The following DLGAP2 variants were observed in gnomAD, a reference collection of about 807,000 sequenced individuals.
DLGAP2 encodes the protein DLG associated protein 2.
Under a neutral mutation model 100.3 loss-of-function variants are expected in DLGAP2, and 26 were observed. That is an observed-to-expected ratio of 0.26 (90% confidence interval 0.19 to 0.36). The LOEUF (loss-of-function observed/expected upper bound fraction) is 0.36. DLGAP2 is among the 10% of genes least tolerant of loss of function. DLGAP2 has a pLI of 1.00. For synonymous variants in DLGAP2, 886 were observed against 630.1 expected (o/e 1.41, Z -6.08); for missense variants, 1,858 against 1,453.2 (o/e 1.28, Z -4.53).
intron 2 of DLGAP2, among the ~76,000 whole-genome samples, chr8:1,010,406 A>G (rs1801245824): frequency 6.6e-6 from 1 of 152,200 alleles, no homozygotes; most frequent in African/African-American, 2.4e-5. Context: ...AGTTTTATAC[A>G]CACATACACA....
chr8:1,117,702 G>C (rs1029836030), intron 2 of DLGAP2, among the ~76,000 whole-genome samples: 1 of 152,288 alleles, frequency 6.6e-6, no homozygotes, highest in Middle Eastern at 3.4e-3. Flanking sequence ...GTAGAGAGGA[G>C]GGGGAGGCGG....
At chr8:944,240 A>AGTG (rs1799262171) in intron 2 of DLGAP2, among the ~76,000 whole-genome samples, 1 of 152,090 alleles carries the variant, frequency 6.6e-6, no homozygotes, top group Non-Finnish European at 1.5e-5. Context: ...TGGGTGATCC[A>AGTG]GTGGGTGGTA....
chr8:802,554 A>C (rs1477557100), intron 1 of DLGAP2, among the ~76,000 whole-genome samples: 1 of 152,116 alleles, frequency 6.6e-6, no homozygotes, highest in Non-Finnish European at 1.5e-5. Flanking sequence ...CGGCACATCC[A>C]GCTCTGTGCC....
At chr8:779,322 C>G (rs981809552) in intron 1 of DLGAP2, among the ~76,000 whole-genome samples, 3 of 151,746 alleles carry the variant, frequency 2.0e-5, no homozygotes, top group Non-Finnish European at 4.4e-5. Context: ...ATGCTGGGAG[C>G]TGTAGACTGG....
chr8:993,629 C>A (rs570271730), intron 2 of DLGAP2, among the ~76,000 whole-genome samples: 1 of 152,202 alleles, frequency 6.6e-6, no homozygotes, highest in Admixed American at 6.5e-5. Flanking sequence ...ATCCTTTCTC[C>A]TGTATCAAGC....
chr8:1,212,870 A>G (rs985055108), intron 2 of DLGAP2, among the ~76,000 whole-genome samples: 9 of 150,230 alleles, frequency 6.0e-5, no homozygotes, highest in Non-Finnish European at 1.5e-5. Context: ...CAAAAACATC[A>G]CATATCTCTT....
intron 2 of DLGAP2, among the ~76,000 whole-genome samples, chr8:1,154,595 C>T (rs769135370): frequency 2.7e-4 from 40 of 148,248 alleles, no homozygotes; most frequent in Non-Finnish European, 4.8e-4. Flanking sequence ...TCATCGCAAT[C>T]ACAAGAAAAG....
At position 1,308,161 on chromosome 8, in the gene DLGAP2, G is replaced by A. The variant is rs574054966; in HGVS notation, c.106+49278G>A. 4.6e-5 allele frequency among the ~76,000 whole-genome samples: 7 copies of A among 152,346 alleles called. No individual in the cohort carries two copies. The East Asian group carries it at 9.6e-4, about 21-fold the overall frequency. ...CTGGGCTCGTTGCAAGCCAGGGTAC[G>A]TGTGGAAGAAGTGCCTCAGGACAGA... On this transcript the variant is annotated intron_variant, in intron 3 of 14. Transcript: ENST00000637795.
chr8:1,683,834 CTA>C (rs35210879), intron 12 of DLGAP2, among the ~76,000 whole-genome samples: 1,998 of 56,134 alleles, frequency 0.036, 165 homozygotes, highest in Non-Finnish European at 0.046. Flanking sequence ...CTTTGCTCCA[CTA>C]TATATATATA....
intron 2 of DLGAP2, among the ~76,000 whole-genome samples, chr8:1,193,071 A>G (rs1797673882): frequency 6.6e-6 from 1 of 152,046 alleles, no homozygotes; most frequent in Non-Finnish European, 1.5e-5. Flanking sequence ...CCAGTCTATC[A>G]TTGTTGGACA....
intron 8 of DLGAP2, among the ~76,000 whole-genome samples, chr8:1,653,261 AG>A (rs1378767583): frequency 6.6e-6 from 1 of 152,070 alleles, no homozygotes; most frequent in Non-Finnish European, 1.5e-5. Context: ...TGGTGCCTGG[AG>A]ACACTGGCAT....
chr8:800,602 A>G (rs1297109163), intron 1 of DLGAP2, among the ~76,000 whole-genome samples: 1 of 152,076 alleles, frequency 6.6e-6, no homozygotes, highest in Non-Finnish European at 1.5e-5. Flanking sequence ...GTGCACCTGC[A>G]TGTGTGTGTG....
intron 3 of DLGAP2, among the ~76,000 whole-genome samples, chr8:1,264,853 A>T (rs974242567): frequency 6.6e-6 from 1 of 152,166 alleles, no homozygotes; most frequent in Non-Finnish European, 1.5e-5. Context: ...TAATTGAATC[A>T]TGAGGGTGAG....
intron 3 of DLGAP2, among the ~76,000 whole-genome samples, chr8:1,336,946 C>T (rs1437124746): frequency 6.6e-6 from 1 of 152,148 alleles, no homozygotes; most frequent in Non-Finnish European, 1.5e-5. Context: ...TTTCTAAGTA[C>T]AAGTTATCCC....
intron 3 of DLGAP2, chr8:1,301,639 G>C (rs1240666899): frequency 1.3e-5 from 2 of 152,270 alleles, no homozygotes; most frequent in Non-Finnish European, 2.9e-5. Context: ...GGATAAGGAA[G>C]GGCCCAACAT....
At chr8:1,556,094 C>A (rs1248991676) in intron 5 of DLGAP2, among the ~76,000 whole-genome samples, 1 of 152,232 alleles carries the variant, frequency 6.6e-6, no homozygotes, top group African/African-American at 2.4e-5. Context: ...GTGCAGAAAC[C>A]TTGTGACCTG....
At chr8:1,663,321 G>A (rs1798461720) in intron 8 of DLGAP2, among the ~76,000 whole-genome samples, 1 of 152,112 alleles carries the variant, frequency 6.6e-6, no homozygotes, top group African/African-American at 2.4e-5. Flanking sequence ...TGCAGCTGCT[G>A]CTGGCATTTT....
intron 2 of DLGAP2, among the ~76,000 whole-genome samples, chr8:1,068,755 T>A (rs1264334247): frequency 6.7e-6 from 1 of 148,720 alleles, no homozygotes; most frequent in Non-Finnish European, 1.5e-5. Flanking sequence ...GGGATATGCC[T>A]GGGGTCATGG....
At chr8:1,377,121 G>C (rs752948313) in intron 3 of DLGAP2, among the ~76,000 whole-genome samples, 1 of 152,228 alleles carries the variant, frequency 6.6e-6, no homozygotes, top group Non-Finnish European at 1.5e-5. Flanking sequence ...GTGCGTCCCA[G>C]CGAGAGGAAG....
Sources: gnomAD v4.1 joint callset for allele counts (sites outside exome capture counted in the v4.1 genomes callset) on GRCh38, gnomAD v4.1.1 for gene constraint, MANE v1.5 for transcripts, NCBI Gene and HGNC (gene_info 2026-07-23, HGNC 2026-07-21) for gene names.